The following NUBPL variants were observed in gnomAD, a reference collection of about 807,000 sequenced individuals.
NUBPL encodes the protein NUBP iron-sulfur cluster assembly factor, mitochondrial, also known as iron-sulfur cluster transfer protein NUBPL.
Under a neutral mutation model 45.7 loss-of-function variants are expected in NUBPL, and 31 were observed. The observed-to-expected ratio is 0.68, with a 90% CI of 0.51 to 0.92. NUBPL has a LOEUF of 0.92. Among genes scored for constraint, NUBPL ranks in the 40% least tolerant of loss-of-function variants. NUBPL has a pLI of 0.00. For synonymous variants in NUBPL, 144 were observed against 140.9 expected, an observed-to-expected ratio of 1.02 and a Z score of -0.15; for missense variants, 401 against 398.7, an observed-to-expected ratio of 1.01 and a Z score of -0.05.
intron 6 of NUBPL, among the ~76,000 whole-genome samples, chr14:31,694,004 C>T (rs879522073): frequency 1.3e-4 from 19 of 151,664 alleles, no homozygotes; most frequent in South Asian, 4.2e-4. Context: ...TACAGGCACC[C>T]GCCACCATGC....
intron 4 of NUBPL, among the ~76,000 whole-genome samples, chr14:31,672,725 T>C (rs1289955303): frequency 6.6e-6 from 1 of 152,196 alleles, no homozygotes; most frequent in Non-Finnish European, 1.5e-5. Flanking sequence ...GGCCTCCCAC[T>C]GTGCCTGGTA....
At chr14:31,844,904 T>A (rs2040429009) in intron 8 of NUBPL, 1 of 152,212 alleles carries the variant, frequency 6.6e-6, no homozygotes, top group African/African-American at 2.4e-5. Flanking sequence ...AAAAGGAACA[T>A]GAGTAAGGAT....
intron 6 of NUBPL, among the ~76,000 whole-genome samples, chr14:31,781,037 G>A (rs969572397): frequency 2.0e-5 from 3 of 152,028 alleles, no homozygotes; most frequent in South Asian, 2.1e-4. Context: ...CTCTCCAGGG[G>A]GCCCACCTGT....
At chr14:31,740,014 T>C (rs996219540) in intron 6 of NUBPL, among the ~76,000 whole-genome samples, 14 of 152,214 alleles carry the variant, frequency 9.2e-5, no homozygotes, top group African/African-American at 3.1e-4. Flanking sequence ...TACTGAATAA[T>C]ATTTCATTGT....
chr14:31,676,288 G>T (rs2036696660), intron 6 of NUBPL, among the ~76,000 whole-genome samples: 1 of 151,902 alleles, frequency 6.6e-6, no homozygotes, highest in Admixed American at 6.6e-5. Context: ...CTCCCAAAGT[G>T]CTGGGATTAC....
chr14:31,687,668 A>G (rs1595494799), intron 6 of NUBPL, among the ~76,000 whole-genome samples: 1 of 152,218 alleles, frequency 6.6e-6, no homozygotes, highest in East Asian at 1.9e-4. Context: ...TCTCCAATCA[A>G]TTATTACAGT....
intron 3 of NUBPL, among the ~76,000 whole-genome samples, chr14:31,589,367 T>C (rs2034082105): frequency 6.6e-6 from 1 of 152,186 alleles, no homozygotes; most frequent in Admixed American, 6.5e-5. Flanking sequence ...GTAAGTTATC[T>C]AAATCCTCAA....
chr14:31,564,436 T>C (rs1346511627), intron 2 of NUBPL, among the ~76,000 whole-genome samples: 2 of 148,644 alleles, frequency 1.3e-5, no homozygotes, highest in Non-Finnish European at 3.0e-5. Context: ...ATGCCTGTAA[T>C]GCCAGCACTT....
At chr14:31,661,368 G>A (rs905347054) in intron 4 of NUBPL, among the ~76,000 whole-genome samples, 6 of 152,158 alleles carry the variant, frequency 3.9e-5, no homozygotes, top group South Asian at 2.1e-4. Context: ...TTGTTAGTAC[G>A]TTGTAAGTTT....
chr14:31,704,762 A>T (rs1321232587), intron 6 of NUBPL, among the ~76,000 whole-genome samples: 1 of 151,940 alleles, frequency 6.6e-6, no homozygotes, highest in East Asian at 1.9e-4. Context: ...CTCTAGTTCT[A>T]CCCACCACCT....
intron 7 of NUBPL, among the ~76,000 whole-genome samples, chr14:31,816,643 T>C (rs983081810): frequency 6.6e-6 from 1 of 152,194 alleles, no homozygotes; most frequent in East Asian, 1.9e-4. Context: ...TTTAGATCTT[T>C]CCTGCTTTCT....
intron 6 of NUBPL, among the ~76,000 whole-genome samples, chr14:31,744,855 T>C (rs1595571247): frequency 6.6e-6 from 1 of 151,792 alleles, no homozygotes; most frequent in African/African-American, 2.4e-5. Flanking sequence ...CTCCCGACCT[T>C]GTGTTCCATC....
At chr14:31,631,560 G>A (rs1289116313) in intron 4 of NUBPL, among the ~76,000 whole-genome samples, 2 of 150,534 alleles carry the variant, frequency 1.3e-5, no homozygotes, top group African/African-American at 2.4e-5. Flanking sequence ...TAAGTCCCAA[G>A]ATCTACATTC....
chr14:31,808,479 ACTTTG>A (rs553585955), intron 7 of NUBPL, among the ~76,000 whole-genome samples: 1 of 152,154 alleles, frequency 6.6e-6, no homozygotes, highest in Non-Finnish European at 1.5e-5. Flanking sequence ...GTATCCTGAG[ACTTTG>A]CTGAAGTTGC....
intron 6 of NUBPL, among the ~76,000 whole-genome samples, chr14:31,754,591 CTTTTTTTTTT>C (rs59085679): frequency 4.2e-4 from 44 of 103,698 alleles, no homozygotes; most frequent in African/African-American, 1.5e-3. Context: ...AGAGGGTTTT[CTTTTTTTTTT>C]TTTTTTTTTT....
At chr14:31,708,491 C>T (rs1337643730) in intron 6 of NUBPL, among the ~76,000 whole-genome samples, 1 of 152,170 alleles carries the variant, frequency 6.6e-6, no homozygotes, top group East Asian at 1.9e-4. Context: ...ATGTATCCCT[C>T]TCTAATAAGG....
intron 4 of NUBPL, among the ~76,000 whole-genome samples, chr14:31,641,017 TCTC>T (rs2035679960): frequency 2.0e-5 from 3 of 152,088 alleles, no homozygotes; most frequent in Admixed American, 1.3e-4. Flanking sequence ...AGTGACACGA[TCTC>T]AGCTCACTGC....
At position 31,673,379 on chromosome 14, in the gene NUBPL, A is replaced by T; in HGVS notation, c.407A>T (p.Asn136Ile). The part of the protein sequence containing the change: ...SQSNLMRPLL[N>I]YGIACMSMGF... ...GGCAACCTAATGAGGCCTCTCTTGA[A>T]TTATGGTATTGCTTGGTGAGCATAT... The change falls in exon 5 of 11, where the codon AAT becomes ATT. Residue 136 changes from asparagine (N) to isoleucine (I), a missense_variant. Transcript: ENST00000281081. 2 of 1,608,614 alleles carry T rather than the reference A, an allele frequency of 1.2e-6. No homozygotes were observed. The highest frequency in any genetic ancestry group is 1.7e-6 in the Non-Finnish European group (2 of 1,177,214).
intron 6 of NUBPL, among the ~76,000 whole-genome samples, chr14:31,695,973 T>A (rs561505268): frequency 2.0e-5 from 3 of 152,262 alleles, no homozygotes; most frequent in Non-Finnish European, 4.4e-5. Context: ...TACGTAGTGA[T>A]CTGATGCTTT....
Sources: allele counts gnomAD v4.1 joint callset (sites outside exome capture counted in the v4.1 genomes callset), GRCh38; gene constraint gnomAD v4.1.1; transcripts MANE v1.5; gene names NCBI Gene and HGNC (gene_info 2026-07-23, HGNC 2026-07-21).